CBLB: variants seen among roughly 807,000 people sequenced by gnomAD.
The protein encoded by CBLB is E3 ubiquitin-protein ligase CBL-B.
A neutral mutation model predicts 104.9 loss-of-function variants in CBLB; 31 were observed. That is an observed-to-expected ratio of 0.30 (90% CI 0.22 to 0.40). The LOEUF is 0.40. CBLB is among the 10% of genes least tolerant of loss of function. The pLI is 1.00. For synonymous variants in CBLB, 440 were observed against 422.6 expected (o/e 1.04, Z -0.51); for missense variants, 1,062 against 1,214.6 (o/e 0.87, Z 1.87).
intron 3 of CBLB, among the ~76,000 whole-genome samples, chr3:105,782,482 C>T (rs2080376236): frequency 2.0e-5 from 3 of 152,170 alleles, no homozygotes; most frequent in Admixed American, 2.0e-4. Flanking sequence ...ACACCTCATC[C>T]ACCACTAGCA....
At chr3:105,828,903 G>T (rs1325020961) in intron 3 of CBLB, among the ~76,000 whole-genome samples, 3 of 152,098 alleles carry the variant, frequency 2.0e-5, no homozygotes, top group African/African-American at 7.2e-5. Context: ...CACCTACAAA[G>T]ACAGTTCAAG....
At chr3:105,773,317 A>G (rs2079080600) in intron 4 of CBLB, among the ~76,000 whole-genome samples, 1 of 152,202 alleles carries the variant, frequency 6.6e-6, no homozygotes, top group African/African-American at 2.4e-5. Flanking sequence ...GTTCTCACTT[A>G]TAAGTGGGAG....
At position 105,853,646 on chromosome 3, in the gene CBLB, G is replaced by A. The variant is rs147344286; in HGVS notation, c.187C>T (p.Pro63Ser). The change falls in exon 3 of 19, where the codon CCC (proline) becomes TCC (serine). Residue 63 changes from proline to serine, a missense_variant. Pro to Ser is a moderately conservative substitution (Grantham distance 74). Transcript: ENST00000394030. The stretch of plus-strand genomic sequence containing the variant: ...GGGCTATTTTTCAACTGAAGTTTGG[G>A]ATTTTGGCACAGTCTTACCTAAAAA... ...MDKVVRLCQN[P>S]KLQLKNSPPY... 3 of 1,604,522 alleles carry A rather than the reference G, an allele frequency of 1.9e-6. No individual in the cohort carries two copies. Among genetic ancestry groups the A allele is most frequent in the Non-Finnish European group, 2.6e-6 (3 of 1,173,812 alleles).
intron 4 of CBLB, among the ~76,000 whole-genome samples, chr3:105,775,954 C>T (rs1273601746): frequency 6.6e-6 from 1 of 152,172 alleles, no homozygotes; most frequent in Admixed American, 6.5e-5. Flanking sequence ...ACCACCTCCT[C>T]CAGGAAGCAG....
At chr3:105,769,887 T>C (rs1456574262) in intron 4 of CBLB, among the ~76,000 whole-genome samples, 1 of 152,090 alleles carries the variant, frequency 6.6e-6, no homozygotes, top group Non-Finnish European at 1.5e-5. Flanking sequence ...ATAGGATAGG[T>C]TGTTATTGGA....
intron 13 of CBLB, among the ~76,000 whole-genome samples, chr3:105,691,731 C>T (rs1324566787): frequency 6.6e-6 from 1 of 152,154 alleles, no homozygotes; most frequent in African/African-American, 2.4e-5. Context: ...CTTCCAACTC[C>T]TATGCCTGCT....
intron 13 of CBLB, 36 bp downstream of exon 13, chr3:105,693,458 C>T (rs766494214): frequency 3.0e-6 from 4 of 1,340,220 alleles, no homozygotes; most frequent in East Asian, 2.3e-5. Context: ...TATCTTGATG[C>T]ATAGACAAGT....
At chr3:105,858,517 C>T (rs1418260075) in intron 2 of CBLB, among the ~76,000 whole-genome samples, 3 of 152,172 alleles carry the variant, frequency 2.0e-5, no homozygotes, top group African/African-American at 4.8e-5. Context: ...GGTACTAACA[C>T]AGAAGAGCTT....
intron 3 of CBLB, among the ~76,000 whole-genome samples, chr3:105,791,660 T>C (rs1286350440): frequency 7.2e-5 from 11 of 152,328 alleles, no homozygotes; most frequent in Non-Finnish European, 1.2e-4. Context: ...ATTACATTTT[T>C]CCATTAAGTT....
At chr3:105,747,554 C>T (rs1022818580) in intron 5 of CBLB, among the ~76,000 whole-genome samples, 1 of 152,122 alleles carries the variant, frequency 6.6e-6, no homozygotes, top group South Asian at 2.1e-4. Flanking sequence ...GCAAGAAAGG[C>T]GCTCTAGAGA....
chr3:105,720,732 C>A (rs553684852), intron 9 of CBLB, among the ~76,000 whole-genome samples: 2 of 152,270 alleles, frequency 1.3e-5, no homozygotes, highest in African/African-American at 4.8e-5. Flanking sequence ...TTTGTTTTAA[C>A]TGCCTGTGTA....
chr3:105,852,146 C>T (rs534733687), intron 3 of CBLB, among the ~76,000 whole-genome samples: 1 of 152,196 alleles, frequency 6.6e-6, no homozygotes, highest in East Asian at 1.9e-4. Flanking sequence ...GTAAAAGGGC[C>T]TCAGGCAGGC....
Position 105,854,775 on chromosome 3 carries a change from G to T in CBLB, c.169-1111C>A, listed in dbSNP as rs187721716. 4.1e-3 allele frequency among the ~76,000 whole-genome samples: 630 copies of T among 152,168 alleles called. 5 individuals are homozygous for T. Among genetic ancestry groups the T allele is most frequent in the African/African-American group, 0.015 (609 of 41,508 alleles). On this transcript the variant is annotated intron_variant, in intron 2 of 18. Transcript: ENST00000394030. ...AGCCTCCCAAGTAGCTGGGATTACA[G>T]GTGCCTGCCACCGCACCTGGCTAAT... is the stretch of plus-strand genomic sequence containing the variant.
At chr3:105,735,391 T>C (rs1342773908) in intron 8 of CBLB, among the ~76,000 whole-genome samples, 3 of 152,158 alleles carry the variant, frequency 2.0e-5, no homozygotes, top group African/African-American at 4.8e-5. Context: ...TAGATAAGTA[T>C]TGATACTGGT....
At chr3:105,751,268 C>A (rs1263924120) in intron 5 of CBLB, among the ~76,000 whole-genome samples, 194 bp downstream of exon 5, 1 of 152,150 alleles carries the variant, frequency 6.6e-6, no homozygotes, top group East Asian at 1.9e-4. Flanking sequence ...AAACTTAAGC[C>A]AAATGGCTCA....
chr3:105,667,129 T>G (rs2064556620), intron 18 of CBLB, among the ~76,000 whole-genome samples: 3 of 152,350 alleles, frequency 2.0e-5, no homozygotes, highest in Middle Eastern at 3.4e-3. Flanking sequence ...AGATCTCCTT[T>G]ATTTTATAAT....
chr3:105,797,002 G>T (rs2082322381), intron 3 of CBLB, among the ~76,000 whole-genome samples: 1 of 152,148 alleles, frequency 6.6e-6, no homozygotes, highest in South Asian at 2.1e-4. Context: ...GTGTAAATTA[G>T]TTCAGCCACT....
intron 18 of CBLB, among the ~76,000 whole-genome samples, chr3:105,662,553 A>G (rs1410206819): frequency 6.6e-6 from 1 of 152,212 alleles, no homozygotes; most frequent in Non-Finnish European, 1.5e-5. Flanking sequence ...GCCACAGAAT[A>G]TAAATAGTAC....
rs573680587 is a variant in CBLB at position 105,741,292 on chromosome 3, G to A, written c.846-661C>T. On this transcript the variant is annotated intron_variant, in intron 6 of 18. Transcript: ENST00000394030. ...CAACCTCCGCCTCCCAGGTTCAAGC[G>A]ATTCTCCTGCCTCAGCCTCCTGAGT... Among the ~76,000 whole-genome samples, 195 of 149,150 alleles carry A rather than the reference G, an allele frequency of 1.3e-3. 1 individual carries two copies. Among genetic ancestry groups the A allele is most frequent in the African/African-American group, 2.0e-4 (8 of 40,590 alleles).
Sources: gnomAD v4.1 joint callset for allele counts (sites outside exome capture counted in the v4.1 genomes callset) on GRCh38, gnomAD v4.1.1 for gene constraint, MANE v1.5 for transcripts, NCBI Gene and HGNC (gene_info 2026-07-23, HGNC 2026-07-21) for gene names.